MTARC2: variants seen among roughly 807,000 people sequenced by gnomAD.
The protein encoded by MTARC2 is mitochondrial amidoxime reducing component 2, also known as MOCO sulphurase C-terminal domain containing 2.
In MTARC2, 27 loss-of-function variants were observed where a neutral mutation model predicts 35.6. That is an observed-to-expected ratio of 0.76 (90% CI 0.56 to 1.04). The LOEUF (loss-of-function observed/expected upper bound fraction) is 1.04. MTARC2 is among the 50% of genes least tolerant of loss of function. The pLI, the probability that MTARC2 is intolerant of heterozygous loss-of-function variation, is 0.00. For missense variants in MTARC2, 412 were observed against 432.5 expected, an observed-to-expected ratio of 0.95 and a Z score of 0.42; for synonymous variants, 158 against 167.1, an observed-to-expected ratio of 0.95 and a Z score of 0.42.
intron 2 of MTARC2, among the ~76,000 whole-genome samples, chr1:220,760,322 A>G (rs1008851436): frequency 3.3e-5 from 5 of 152,220 alleles, no homozygotes; most frequent in African/African-American, 1.2e-4. Flanking sequence ...CATTAAAATG[A>G]AGGGGCCTCC....
chr1:220,763,161 C>G, intron 4 of MTARC2, 111 bp downstream of exon 4: 1 of 1,410,408 alleles, frequency 7.1e-7, no homozygotes, highest in South Asian at 1.2e-5. Flanking sequence ...CAGTCATTCA[C>G]TCATTGCTGC....
chr1:220,776,118 G>T (rs943489933), intron 4 of MTARC2, among the ~76,000 whole-genome samples: 3 of 152,198 alleles, frequency 2.0e-5, no homozygotes, highest in African/African-American at 4.8e-5. Context: ...TTTCCATGGT[G>T]GTTGAACCAA....
chr1:220,780,262 G>A (rs780166553), intron 6 of MTARC2, 23 bp downstream of exon 6: 7 of 1,599,200 alleles, frequency 4.4e-6, no homozygotes, highest in Non-Finnish European at 5.1e-6. Flanking sequence ...CACAGCCAGT[G>A]TATTTTAAAT....
chr1:220,770,588 C>A (rs1214547180), intron 4 of MTARC2: 1 of 982,662 alleles, frequency 1.0e-6, no homozygotes, highest in Non-Finnish European at 1.2e-6. Flanking sequence ...AGACCATGAC[C>A]CCCCATACCT....
chr1:220,764,650 A>G (rs972142835), intron 4 of MTARC2, among the ~76,000 whole-genome samples: 2 of 151,986 alleles, frequency 1.3e-5, no homozygotes, highest in Non-Finnish European at 2.9e-5. Flanking sequence ...TTAGCCAGGT[A>G]TGGTGGTGCG....
chr1:220,751,765 ATGTTTTACC>A (rs1671132393), intron 1 of MTARC2, among the ~76,000 whole-genome samples: 1 of 152,066 alleles, frequency 6.6e-6, no homozygotes, highest in South Asian at 2.1e-4. Flanking sequence ...CCACATACTC[ATGTTTTACC>A]TGTGAATTCA....
chr1:220,759,628 G>T (rs1406528722), intron 2 of MTARC2, among the ~76,000 whole-genome samples: 2 of 152,156 alleles, frequency 1.3e-5, no homozygotes, highest in Non-Finnish European at 2.9e-5. Context: ...TACAAGTGCT[G>T]TTCTGAGGGG....
At chr1:220,755,618 G>T (rs1372683313) in intron 2 of MTARC2, among the ~76,000 whole-genome samples, 1 of 152,136 alleles carries the variant, frequency 6.6e-6, no homozygotes, top group Non-Finnish European at 1.5e-5. Flanking sequence ...CTCTAGGGTT[G>T]ACTAGGGCAT....
chr1:220,776,994 C>A (rs1671935872), intron 4 of MTARC2, among the ~76,000 whole-genome samples: 1 of 152,186 alleles, frequency 6.6e-6, no homozygotes, highest in Non-Finnish European at 1.5e-5. Context: ...CACACCCCAT[C>A]GGAGGTCACG....
At chr1:220,778,535 T>C (rs960155101) in intron 4 of MTARC2, among the ~76,000 whole-genome samples, 4 of 152,148 alleles carry the variant, frequency 2.6e-5, no homozygotes, top group Non-Finnish European at 4.4e-5. Context: ...TCCACCCCCA[T>C]GATTGAATTC....
chr1:220,753,050 T>TAAAAA (rs747375341), intron 1 of MTARC2, among the ~76,000 whole-genome samples: 2 of 106,860 alleles, frequency 1.9e-5, no homozygotes, highest in Non-Finnish European at 3.8e-5. Flanking sequence ...CTGTCTCTAC[T>TAAAAA]AAAAAAAAAA....
chr1:220,774,879 C>T (rs527894994), intron 4 of MTARC2, among the ~76,000 whole-genome samples: 3,585 of 152,206 alleles, frequency 0.024, 107 homozygotes, highest in African/African-American at 0.064. Flanking sequence ...ATATATTCTT[C>T]ACATCTGTAT....
chr1:220,778,272 A>G (rs1452311065), intron 4 of MTARC2, among the ~76,000 whole-genome samples: 1 of 151,384 alleles, frequency 6.6e-6, no homozygotes, highest in South Asian at 2.1e-4. Context: ...AAAAAAAGAA[A>G]GAAAGAAAGA....
At chr1:220,763,127 A>G in intron 4 of MTARC2, 77 bp downstream of exon 4, 28 of 1,597,112 alleles carry the variant, frequency 1.8e-5, no homozygotes, top group Non-Finnish European at 2.3e-5. Flanking sequence ...CTCTAGCCAG[A>G]GCCAACTCAG....
chr1:220,782,617 A>G (rs1054882684), intron 7 of MTARC2, among the ~76,000 whole-genome samples: 1 of 152,210 alleles, frequency 6.6e-6, no homozygotes, highest in Non-Finnish European at 1.5e-5. Context: ...AAGTTACCTC[A>G]TCTCCAAAAC....
chr1:220,763,319 T>C (rs1000293942), intron 4 of MTARC2, among the ~76,000 whole-genome samples: 10 of 152,172 alleles, frequency 6.6e-5, no homozygotes, highest in African/African-American at 2.4e-4. Flanking sequence ...GAGGTTGGAA[T>C]ATGTAATCAT....
intron 1 of MTARC2, among the ~76,000 whole-genome samples, chr1:220,752,820 G>T (rs1050653303): frequency 6.6e-6 from 1 of 151,992 alleles, no homozygotes; most frequent in Non-Finnish European, 1.5e-5. Context: ...GTACTCCAGA[G>T]CCTGGGTGAT....
chr1:220,762,168 C>T (rs2102552047), intron 3 of MTARC2, among the ~76,000 whole-genome samples: 1 of 152,268 alleles, frequency 6.6e-6, no homozygotes, highest in Admixed American at 6.5e-5. Context: ...ATCCAAGTTT[C>T]CTGGAATTAT....
intron 2 of MTARC2, among the ~76,000 whole-genome samples, chr1:220,757,821 G>C (rs1671321797): frequency 6.6e-6 from 1 of 152,154 alleles, no homozygotes; most frequent in South Asian, 2.1e-4. Flanking sequence ...GCCCCTAACA[G>C]ATGGTAAGCG....
Sources: gnomAD v4.1 joint callset for allele counts (sites outside exome capture counted in the v4.1 genomes callset) on GRCh38, gnomAD v4.1.1 for gene constraint, MANE v1.5 for transcripts, NCBI Gene and HGNC (gene_info 2026-07-23, HGNC 2026-07-21) for gene names.